RSPH14: variants seen among roughly 807,000 people sequenced by gnomAD.
RSPH14 encodes rhabdoid tumor deletion region gene 1.
A neutral mutation model predicts 26.7 loss-of-function variants in RSPH14; 20 were observed. That is an observed-to-expected ratio of 0.75 (90% CI 0.53 to 1.09). RSPH14 has a LOEUF of 1.09. RSPH14 is among the 50% of genes least tolerant of loss of function. The probability of loss-of-function intolerance (pLI) is 0.00; values close to 1 mark genes in which losing one functional copy is unlikely to be tolerated. For synonymous variants in RSPH14, 177 were observed against 189.3 expected, an observed-to-expected ratio of 0.93 and a Z score of 0.53; for missense variants, 449 against 457.2, an observed-to-expected ratio of 0.98 and a Z score of 0.16.
chr22:23,180,640 C>T, the RSPH14 span: 1 of 164,572 alleles, frequency 6.1e-6, no homozygotes, highest in Non-Finnish European at 1.3e-5. Flanking sequence ...AGGCGAGGAG[C>T]GCGCGGGCCG....
chr22:23,068,235 C>T (rs1411180564), intron 4 of RSPH14, among the ~76,000 whole-genome samples: 1 of 152,236 alleles, frequency 6.6e-6, no homozygotes, highest in African/African-American at 2.4e-5. Context: ...GCCACCTCCA[C>T]GCCTGCTATG....
At chr22:23,165,371 C>T in the RSPH14 span, among the ~76,000 whole-genome samples, 1 of 152,210 alleles carries the variant, frequency 6.6e-6, no homozygotes. Flanking sequence ...CACTTGCAAA[C>T]CCCAGTCCTG....
chr22:23,170,155 CAT>C, the RSPH14 span, among the ~76,000 whole-genome samples: 1 of 147,996 alleles, frequency 6.8e-6, no homozygotes, highest in Non-Finnish European at 1.5e-5. Flanking sequence ...AAAAGTAAAA[CAT>C]AGAATTGTCA....
intron 4 of RSPH14, among the ~76,000 whole-genome samples, chr22:23,089,611 T>C (rs1382279381): frequency 1.3e-5 from 2 of 152,050 alleles, no homozygotes; most frequent in African/African-American, 2.4e-5. Flanking sequence ...TCAACATCTG[T>C]TACAGGAACA....
At chr22:23,132,403 G>A (rs1243820168) in intron 4 of RSPH14, among the ~76,000 whole-genome samples, 2 of 152,190 alleles carry the variant, frequency 1.3e-5, no homozygotes, top group Non-Finnish European at 1.5e-5. Context: ...GTGGTATCGG[G>A]TAGCTGTTAC....
At chr22:23,120,847 G>A (rs1463671438) in intron 4 of RSPH14, among the ~76,000 whole-genome samples, 1 of 152,172 alleles carries the variant, frequency 6.6e-6, no homozygotes, top group East Asian at 1.9e-4. Context: ...CTCAGGGCGC[G>A]CTCAGCAAGT....
intron 4 of RSPH14, among the ~76,000 whole-genome samples, chr22:23,094,847 G>A (rs1009131357): frequency 3.3e-5 from 5 of 152,258 alleles, no homozygotes; most frequent in African/African-American, 1.2e-4. Context: ...GCCGAGGCCT[G>A]GCCACCCGTG....
At chr22:23,098,332 C>T (rs1289708590) in intron 4 of RSPH14, among the ~76,000 whole-genome samples, 1 of 152,246 alleles carries the variant, frequency 6.6e-6, no homozygotes, top group Admixed American at 6.5e-5. Context: ...CTGACCTAGC[C>T]CGGCACCTGC....
chr22:23,116,043 A>G (rs2069823692), intron 4 of RSPH14, among the ~76,000 whole-genome samples: 1 of 152,252 alleles, frequency 6.6e-6, no homozygotes, highest in Admixed American at 6.5e-5. Context: ...GTCCCACAGC[A>G]AACAACAAAA....
At chr22:23,148,452 A>C (rs1487613652), upstream of RSPH14, among the ~76,000 whole-genome samples, 3 of 152,210 alleles carry the variant, frequency 2.0e-5, no homozygotes, top group Non-Finnish European at 2.9e-5. Context: ...GCCTGACATC[A>C]CACAGCTGCT....
the RSPH14 span, chr22:23,163,616 C>CCCT: frequency 6.7e-6 from 1 of 148,934 alleles, no homozygotes; most frequent in African/African-American, 2.5e-5. Context: ...GCCCCCCCCC[C>CCCT]GCCACATTAG....
At chr22:23,167,273 C>A in the RSPH14 span, among the ~76,000 whole-genome samples, 1 of 152,214 alleles carries the variant, frequency 6.6e-6, no homozygotes, top group Admixed American at 6.5e-5. Context: ...CCAAGCTCAG[C>A]CCTCCTCAGG....
At chr22:23,135,008 T>C (rs1035529759) in intron 3 of RSPH14, among the ~76,000 whole-genome samples, 1 of 152,040 alleles carries the variant, frequency 6.6e-6, no homozygotes, top group African/African-American at 2.4e-5. Flanking sequence ...CAGTCCCTAC[T>C]AAAATGTTAA....
chr22:23,066,105 C>G (rs1015014783), intron 4 of RSPH14, among the ~76,000 whole-genome samples: 1 of 152,148 alleles, frequency 6.6e-6, no homozygotes, highest in African/African-American at 2.4e-5. Context: ...GACAATTTGA[C>G]CTTCTGTTAA....
intron 4 of RSPH14, among the ~76,000 whole-genome samples, chr22:23,129,179 G>C (rs2070249914): frequency 6.6e-6 from 1 of 152,114 alleles, no homozygotes; most frequent in Non-Finnish European, 1.5e-5. Context: ...CTAATCCAGA[G>C]GCCACGACAC....
At chr22:23,171,316 A>G in the RSPH14 span, among the ~76,000 whole-genome samples, 1 of 152,084 alleles carries the variant, frequency 6.6e-6, no homozygotes, top group African/African-American at 2.4e-5. Flanking sequence ...CCTGATGGTC[A>G]TCATGTTGAT....
intron 4 of RSPH14, among the ~76,000 whole-genome samples, chr22:23,083,992 A>ACC (rs2068747089): frequency 1.3e-5 from 2 of 152,090 alleles, no homozygotes; most frequent in African/African-American, 4.8e-5. Flanking sequence ...TGGGTGGGAG[A>ACC]TGCAGCCAGA....
chr22:23,128,287 ATG>A (rs1228841580), intron 4 of RSPH14, among the ~76,000 whole-genome samples: 130 of 152,314 alleles, frequency 8.5e-4, no homozygotes, highest in African/African-American at 3.1e-3. Context: ...CTTAGCAGGA[ATG>A]ATGGTCACCG....
At chr22:23,103,980 C>T (rs749009496) in intron 4 of RSPH14, among the ~76,000 whole-genome samples, 5 of 152,180 alleles carry the variant, frequency 3.3e-5, no homozygotes, top group Non-Finnish European at 7.3e-5. Flanking sequence ...CAGGTGCCTC[C>T]TCTGTCCCAA....
Sources: gnomAD v4.1 joint callset for allele counts (sites outside exome capture counted in the v4.1 genomes callset) on GRCh38, gnomAD v4.1.1 for gene constraint, MANE v1.5 for transcripts, NCBI Gene and HGNC (gene_info 2026-07-23, HGNC 2026-07-21) for gene names.